The following DOP1B variants were observed in gnomAD, a reference collection of about 807,000 sequenced individuals.
DOP1B encodes DOP1 leucine zipper like protein B.
DOP1B carries 174 observed loss-of-function variants against 233.5 expected under a neutral mutation model. That is an observed-to-expected ratio of 0.75 (90% CI 0.66 to 0.85). The LOEUF (loss-of-function observed/expected upper bound fraction) is 0.85. Ranked by LOEUF, DOP1B falls within the 40% of genes least tolerant of loss-of-function variation. The probability of loss-of-function intolerance (pLI) is 0.00; values close to 1 mark genes in which losing one functional copy is unlikely to be tolerated. For missense variants in DOP1B, 2,652 were observed against 2,846.6 expected (o/e 0.93, Z 1.56); for synonymous variants, 1,190 against 1,185.6 (o/e 1.00, Z -0.08).
intron 2 of DOP1B, among the ~76,000 whole-genome samples, chr21:36,195,374 C>CAA (rs376644260): frequency 4.5e-5 from 6 of 133,198 alleles, no homozygotes; most frequent in East Asian, 2.2e-4. Context: ...CCCCCCAAAA[C>CAA]AAAAAAAAAA....
chr21:36,235,881 C>T (rs564555472), intron 15 of DOP1B, among the ~76,000 whole-genome samples: 5 of 147,628 alleles, frequency 3.4e-5, no homozygotes, highest in African/African-American at 4.9e-5. Context: ...GGGCGGTCTA[C>T]GTAGTCAAAA....
intron 27 of DOP1B, among the ~76,000 whole-genome samples, chr21:36,276,068 G>A (rs1019877286): frequency 1.9e-4 from 26 of 135,716 alleles, no homozygotes; most frequent in East Asian, 7.0e-4. Context: ...GAGCGGAGTC[G>A]GGGATGGTTA....
At chr21:36,157,571 G>A (rs1485327580) in intron 1 of DOP1B, among the ~76,000 whole-genome samples, 1 of 151,990 alleles carries the variant, frequency 6.6e-6, no homozygotes, top group Admixed American at 6.5e-5. Flanking sequence ...CCCACAATTG[G>A]GAAGACTTTG....
rs1420208679 is a variant in DOP1B, at chr21:36,239,934, C to A, written c.3046C>A (p.Leu1016Ile). The A allele has an allele frequency of 6.2e-7, 1 of 1,610,522 alleles. No homozygotes were observed. Among genetic ancestry groups the A allele is most frequent in the Non-Finnish European group, 8.5e-7 (1 of 1,179,446 alleles). The change falls in exon 18 of 37, where the codon CTC (leucine) becomes ATC (isoleucine). Residue 1016 changes from leucine to isoleucine, a missense_variant. This residue lies in a region of DOP1B where 2,617 missense variants were observed against 2,794.3 expected (regional missense o/e 0.94). Transcript: ENST00000691173. ...PKTQRTSIHC[L>I]KQENSADDLH... ...AACCCAGAGAACCTCCATCCACTGC[C>A]TCAAGCAGGAGAACTCGGCCGGTGA...
At chr21:36,282,696 C>G (rs1569070357) in intron 32 of DOP1B, among the ~76,000 whole-genome samples, 1 of 151,576 alleles carries the variant, frequency 6.6e-6, no homozygotes, top group Non-Finnish European at 1.5e-5. Context: ...TTATTGCTGA[C>G]TGGGCACGGT....
intron 2 of DOP1B, among the ~76,000 whole-genome samples, chr21:36,196,303 G>C (rs1264697341): frequency 6.6e-6 from 1 of 152,220 alleles, no homozygotes; most frequent in Non-Finnish European, 1.5e-5. Context: ...TGATCAGTAA[G>C]CCATGGGAGT....
In DOP1B at chr21:36,292,102, A is replaced by G; in HGVS notation, c.6516-2A>G. On this transcript the variant is annotated splice_acceptor_variant, in intron 35 of 36. Transcript: ENST00000691173. LOFTEE classifies it high-confidence loss of function. ...ACCTGACCTTCTGTTTGTTCCCTGC[A>G]GTTATAGGTGGGCATTTATTCCAGA... is the stretch of plus-strand genomic sequence containing the variant. 1 of 1,592,288 alleles carries G rather than the reference A, an allele frequency of 6.3e-7. No individual in the cohort carries two copies. Among genetic ancestry groups the G allele is most frequent in the South Asian group, 1.2e-5 (1 of 86,058 alleles).
Position 36,246,647 on chromosome 21 carries a change from A to G in DOP1B, c.4667A>G (p.Tyr1556Cys). ...CKNLDDLVKQ[Y>C]ESESVKLSVS... Reference sequence around the variant, plus strand: ...AACTTGGATGACTTGGTCAAGCAGTATGAAAGCGAATCTGTGAAGCTCTCT... The same window carrying G: ...AACTTGGATGACTTGGTCAAGCAGTGTGAAAGCGAATCTGTGAAGCTCTCT... Residue 1556 changes from tyrosine to cysteine, a missense_variant, in exon 19 of 37, where the codon TAT becomes TGT. Coordinates refer to ENST00000691173, the MANE Select transcript of DOP1B (RefSeq NM_001320714.2). The surrounding 1 kb of genome is among the most constrained non-coding windows in gnomAD (Gnocchi z 5.1). The G allele has an allele frequency of 3.1e-6, 5 of 1,612,682 alleles. No homozygotes were observed. In the South Asian group the frequency reaches 5.5e-5, roughly 18 times the overall value.
chr21:36,292,912 C>G (rs1000176369), intron 36 of DOP1B, among the ~76,000 whole-genome samples: 3 of 152,058 alleles, frequency 2.0e-5, no homozygotes, highest in Non-Finnish European at 4.4e-5. Context: ...CCGTGTCCAG[C>G]CTGCTTTTCT....
At chr21:36,188,555 C>T (rs2066193290) in intron 2 of DOP1B, among the ~76,000 whole-genome samples, 1 of 152,228 alleles carries the variant, frequency 6.6e-6, no homozygotes. Context: ...GCGTTTGAGC[C>T]TGTGTCACCT....
chr21:36,173,479 C>T (rs1026702872), intron 2 of DOP1B, among the ~76,000 whole-genome samples: 19 of 149,128 alleles, frequency 1.3e-4, no homozygotes, highest in South Asian at 4.2e-4. Flanking sequence ...TGGAGTGCAG[C>T]GGCCCCGTCT....
chr21:36,182,049 C>T (rs2242813), intron 2 of DOP1B, among the ~76,000 whole-genome samples: 3,088 of 152,262 alleles, frequency 0.02, 75 homozygotes, highest in African/African-American at 0.066. Context: ...TTATATATTA[C>T]TCTTGTGTTT....
intron 32 of DOP1B, among the ~76,000 whole-genome samples, chr21:36,282,711 C>G (rs1482306266): frequency 6.6e-6 from 1 of 152,070 alleles, no homozygotes; most frequent in Non-Finnish European, 1.5e-5. Flanking sequence ...CACGGTGGCT[C>G]ACGCCTGTAA....
intron 19 of DOP1B, among the ~76,000 whole-genome samples, chr21:36,247,218 G>A (rs2066977644): frequency 6.6e-6 from 1 of 152,132 alleles, no homozygotes; most frequent in South Asian, 2.1e-4. Flanking sequence ...ACCCAGTCTA[G>A]CTCAGTGTTG....
At position 36,212,063 on chromosome 21, in the gene DOP1B, G is replaced by A. The variant is rs1264414801; in HGVS notation, c.870G>A (p.Met290Ile). 1 of 1,613,622 alleles carries A rather than the reference G, an allele frequency of 6.2e-7. No individual in the cohort carries two copies. The highest frequency in any genetic ancestry group is 8.5e-7 in the Non-Finnish European group (1 of 1,179,904). Reference sequence around the variant, plus strand: ...CCCAGACCCTACTGAGAAGGGACATGTCCCTGAACAGAAGACTGTATGCAT... The same window carrying A: ...CCCAGACCCTACTGAGAAGGGACATATCCCTGAACAGAAGACTGTATGCAT... Reference protein sequence around the residue: ...AATQTLLRRDMSLNRRLYAWL... With the variant: ...AATQTLLRRDISLNRRLYAWL... The change falls in exon 7 of 37, where the codon ATG (methionine) becomes ATA (isoleucine). Residue 290 changes from methionine (M) to isoleucine (I), a missense_variant. Coordinates refer to ENST00000691173, the MANE Select transcript of DOP1B (RefSeq NM_001320714.2).
At chr21:36,224,011 C>T (rs941656244) in intron 11 of DOP1B, among the ~76,000 whole-genome samples, 1 of 152,136 alleles carries the variant, frequency 6.6e-6, no homozygotes, top group South Asian at 2.1e-4. Context: ...AGTCTTACTT[C>T]TCAGCTGCTA....
intron 2 of DOP1B, among the ~76,000 whole-genome samples, chr21:36,183,802 C>T (rs141525528): frequency 3.4e-3 from 511 of 151,842 alleles, no homozygotes; most frequent in African/African-American, 0.011. Flanking sequence ...CAGCTTTGGG[C>T]TTGAATGTAT....
At chr21:36,254,030 G>A in intron 23 of DOP1B, 121 bp downstream of exon 23, 1 of 1,303,138 alleles carries the variant, frequency 7.7e-7, no homozygotes. Context: ...TAGTGGGAAT[G>A]CTTGGGGTAG....
chr21:36,167,450 C>T (rs982510815), intron 2 of DOP1B, among the ~76,000 whole-genome samples: 2 of 152,218 alleles, frequency 1.3e-5, no homozygotes, highest in Admixed American at 1.3e-4. Flanking sequence ...ACAGGGATTA[C>T]AGGCATGAGC....
Sources: gnomAD v4.1 joint callset for allele counts (sites outside exome capture counted in the v4.1 genomes callset) on GRCh38, gnomAD v4.1.1 for gene constraint, gnomAD v4.1.1 regional missense constraint, Gnocchi (gnomAD v3.1) non-coding constraint, MANE v1.5 for transcripts, NCBI Gene and HGNC (gene_info 2026-07-23, HGNC 2026-07-21) for gene names.